ACER2: variants seen among roughly 807,000 people sequenced by gnomAD.
ACER2 encodes alkaline ceramidase 2, also known as alkCDase 2.
In ACER2, 26 loss-of-function variants were observed where a neutral mutation model predicts 34.7. The ratio of observed to expected loss-of-function variants is 0.75; its 90% CI spans 0.55 to 1.04. The LOEUF (loss-of-function observed/expected upper bound fraction) is 1.04. Among genes scored for constraint, ACER2 ranks in the 50% least tolerant of loss-of-function variants. The pLI is 0.00. For synonymous variants in ACER2, 138 were observed against 132.1 expected, an observed-to-expected ratio of 1.04 and a Z score of -0.31; for missense variants, 352 against 340.8, an observed-to-expected ratio of 1.03 and a Z score of -0.26.
rs1322114213 is a variant in ACER2 at position 19,446,500 on chromosome 9, G to A, written c.641+82G>A. 5 of 1,594,950 alleles carry A rather than the reference G, an allele frequency of 3.1e-6. No homozygotes were observed. The African/African-American group carries it at 5.4e-5, about 17-fold the overall frequency. On this transcript the variant is annotated intron_variant, in intron 5 of 5. Coordinates refer to ENST00000340967, the MANE Select transcript of ACER2 (RefSeq NM_001010887.3). The stretch of plus-strand genomic sequence containing the variant: ...GGGCTCTGTTCACCCTGCAAGTGGT[G>A]CACAGGTGTCCTGTGGGTTGCTGGC...
intron 3 of ACER2, among the ~76,000 whole-genome samples, chr9:19,428,779 T>A (rs1219379866): frequency 2.7e-5 from 2 of 74,700 alleles, no homozygotes. Flanking sequence ...CAAGTGGGTT[T>A]TTTTTTTTTT....
intron 3 of ACER2, among the ~76,000 whole-genome samples, chr9:19,431,677 C>T (rs1481914633): frequency 6.6e-6 from 1 of 152,180 alleles, no homozygotes; most frequent in Non-Finnish European, 1.5e-5. Context: ...CATGCCTCTC[C>T]TGAGGATTAG....
intron 1 of ACER2, among the ~76,000 whole-genome samples, chr9:19,415,089 G>T (rs1285086043): frequency 6.6e-6 from 1 of 152,138 alleles, no homozygotes; most frequent in East Asian, 1.9e-4. Flanking sequence ...GTGGGGGCCA[G>T]CCAGCCTTGG....
chr9:19,413,355 T>G (rs1478968523), intron 1 of ACER2, among the ~76,000 whole-genome samples: 1 of 152,220 alleles, frequency 6.6e-6, no homozygotes, highest in East Asian at 1.9e-4. Flanking sequence ...TCCCAGCACT[T>G]TGGGAGGCTG....
intron 3 of ACER2, among the ~76,000 whole-genome samples, chr9:19,425,864 C>T (rs889932317): frequency 2.6e-5 from 4 of 152,110 alleles, no homozygotes; most frequent in African/African-American, 4.8e-5. Flanking sequence ...GTGAAGCAAA[C>T]GGTATGTGCC....
At position 19,434,972 on chromosome 9, in the gene ACER2, G is replaced by A. The variant is rs370162840; in HGVS notation, c.391G>A (p.Val131Ile). Residue 131 changes from valine to isoleucine, a missense_variant, in exon 4 of 6, where the codon GTC becomes ATC. Val to Ile is a conservative substitution (Grantham distance 29). Transcript: ENST00000340967. ...DRGRFKVVVS[V>I]LSAVTTCLAF... ...GGGTAGGTTCAAGGTGGTGGTCAGT[G>A]TCCTGTCTGCGGTTACGACGTGCCT... is the stretch of plus-strand genomic sequence containing the variant. 4.3e-6 allele frequency: 7 copies of A among 1,613,866 alleles called. No homozygotes were observed. In the African/African-American group the frequency reaches 8.0e-5, roughly 18 times the overall value.
At chr9:19,434,241 T>A (rs1830874011) in intron 3 of ACER2, among the ~76,000 whole-genome samples, 1 of 149,790 alleles carries the variant, frequency 6.7e-6, no homozygotes, top group South Asian at 2.1e-4. Flanking sequence ...CGCTCCTCAC[T>A]TCCCAGATGG....
chr9:19,428,153 C>CT (rs748356751), intron 3 of ACER2, among the ~76,000 whole-genome samples: 59 of 132,140 alleles, frequency 4.5e-4, no homozygotes, highest in Admixed American at 1.2e-3. Context: ...CTGGAATATT[C>CT]TTTTTTGTTT....
chr9:19,412,799 T>A (rs955192503), intron 1 of ACER2, among the ~76,000 whole-genome samples: 4 of 152,210 alleles, frequency 2.6e-5, no homozygotes, highest in Non-Finnish European at 5.9e-5. Flanking sequence ...TCAGCTCATA[T>A]AGTGCTCTCT....
chr9:19,438,252 AT>A (rs1212855940), intron 4 of ACER2, among the ~76,000 whole-genome samples: 1 of 152,218 alleles, frequency 6.6e-6, no homozygotes, highest in Non-Finnish European at 1.5e-5. Flanking sequence ...TAAATAAGAT[AT>A]TTAGTCTAGT....
rs1830496314 is a variant in ACER2 at position 19,424,322 on chromosome 9, C to G, written c.223+346C>G. 4.2e-6 allele frequency: 4 copies of G among 957,090 alleles called. No homozygotes were observed. In the African/African-American group the frequency reaches 7.1e-5, roughly 17 times the overall value. The allele number at this position is 957,090 out of a possible 1,614,324, so 59.3% of individuals were successfully genotyped here. A position where few individuals can be genotyped will look rare whatever the true frequency, so the allele number is the denominator to read the frequency against. On this transcript the variant is annotated intron_variant, in intron 2 of 5. Coordinates refer to ENST00000340967, the MANE Select transcript of ACER2 (RefSeq NM_001010887.3). ...AGAAAAAAATGTAGATGTTTGATCC[C>G]TCATTGTTTTGTGAAATACTTGTGT...
At chr9:19,423,787 C>A (rs1830480251) in intron 1 of ACER2, 75 bp from the exon 2 acceptor site, 3 of 1,091,232 alleles carry the variant, frequency 2.7e-6, no homozygotes, top group Non-Finnish European at 4.2e-6. Flanking sequence ...CAAGGACATA[C>A]TTGGAAGAGG....
At chr9:19,439,564 T>TA (rs1831079835) in intron 4 of ACER2, among the ~76,000 whole-genome samples, 1 of 152,152 alleles carries the variant, frequency 6.6e-6, no homozygotes, top group Non-Finnish European at 1.5e-5. Context: ...TATCAGCCTG[T>TA]AAACACATCT....
At position 19,409,117 on chromosome 9, in the gene ACER2, G is replaced by T; in HGVS notation, c.33G>T (p.Gln11His). The T allele has an allele frequency of 6.2e-7, 1 of 1,604,546 alleles. No homozygotes were observed. The highest frequency in any genetic ancestry group is 8.5e-7 in the Non-Finnish European group (1 of 1,176,192). The change falls in exon 1 of 6, where the codon CAG becomes CAT. Residue 11 changes from glutamine (Q) to histidine (H), a missense_variant. Transcript: ENST00000340967. MGAPHWWDQL[Q>H]AGSSEVDWCE... ...CCCCGCACTGGTGGGACCAGCTGCAGGCTGGTAGCTCGGAGGTGGACTGGT... is the reference window on the plus strand; with the variant it reads ...CCCCGCACTGGTGGGACCAGCTGCATGCTGGTAGCTCGGAGGTGGACTGGT...
At chr9:19,435,806 T>C (rs1830945672) in intron 4 of ACER2, among the ~76,000 whole-genome samples, 1 of 151,264 alleles carries the variant, frequency 6.6e-6, no homozygotes, top group Non-Finnish European at 1.5e-5. Flanking sequence ...TCCCAGTACT[T>C]TGGGAGGCCG....
intron 1 of ACER2, among the ~76,000 whole-genome samples, chr9:19,416,825 T>C (rs1244530564): frequency 6.6e-6 from 1 of 152,120 alleles, no homozygotes; most frequent in East Asian, 1.9e-4. Flanking sequence ...GAGCCACCCG[T>C]GCCCCGCCTA....
At chr9:19,443,328 G>A (rs1279515269) in intron 4 of ACER2, among the ~76,000 whole-genome samples, 2 of 151,982 alleles carry the variant, frequency 1.3e-5, no homozygotes, top group East Asian at 1.9e-4. Context: ...CACCACGCCC[G>A]GCACATTTAT....
intron 3 of ACER2, among the ~76,000 whole-genome samples, chr9:19,428,667 G>C (rs1830656454): frequency 6.6e-6 from 1 of 151,572 alleles, no homozygotes; most frequent in Non-Finnish European, 1.5e-5. Context: ...TTCCTGATGG[G>C]ATCAGAAATA....
intron 3 of ACER2, among the ~76,000 whole-genome samples, chr9:19,431,348 C>T (rs1291800026): frequency 2.0e-5 from 3 of 152,280 alleles, no homozygotes; most frequent in African/African-American, 7.2e-5. Context: ...GATTTGAATG[C>T]ATATCGGTCT....
Sources: allele counts gnomAD v4.1 joint callset (sites outside exome capture counted in the v4.1 genomes callset), GRCh38; gene constraint gnomAD v4.1.1; transcripts MANE v1.5; gene names NCBI Gene and HGNC (gene_info 2026-07-23, HGNC 2026-07-21).